Variants in DNAJC11 observed in about 807,000 individuals in gnomAD.
DNAJC11 encodes DnaJ heat shock protein family (Hsp40) member C11, also known as dnaJ homolog subfamily C member 11.
Under a neutral mutation model 78.6 loss-of-function variants are expected in DNAJC11, and 15 were observed. The ratio of observed to expected loss-of-function variants is 0.19; its 90% CI spans 0.13 to 0.29. DNAJC11 has a LOEUF of 0.29. DNAJC11 is among the 10% of genes least tolerant of loss of function. The probability of loss-of-function intolerance (pLI) is 1.00; values close to 1 mark genes in which losing one functional copy is unlikely to be tolerated. For synonymous variants in DNAJC11, 292 were observed against 272.1 expected (o/e 1.07, Z -0.72); for missense variants, 547 against 709.6 (o/e 0.77, Z 2.60).
At chr1:6,643,321 G>GCCGGA (rs1641909828) in intron 10 of DNAJC11, among the ~76,000 whole-genome samples, 1 of 150,832 alleles carries the variant, frequency 6.6e-6, no homozygotes, top group Non-Finnish European at 1.5e-5. Context: ...TGATGCCCAG[G>GCCGGA]CTGGAGTGCA....
rs1265756135 is a variant in DNAJC11 at position 6,639,942 on chromosome 1, G to C, written c.1213C>G (p.Arg405Gly). 5 of 1,613,882 alleles carry C rather than the reference G, an allele frequency of 3.1e-6. No individual in the cohort carries two copies. In the Admixed American group the frequency reaches 8.3e-5, roughly 27 times the overall value. The change falls in exon 11 of 16, where the codon CGT (arginine) becomes GGT (glycine). Residue 405 changes from arginine (R) to glycine (G), a missense_variant. Arg to Gly is a moderately radical substitution (Grantham distance 125, BLOSUM62 -2). Coordinates refer to ENST00000377577, the MANE Select transcript of DNAJC11 (RefSeq NM_018198.4). ...GPLVVYFAMH[R>G]LIIKPYLRAQ... The stretch of plus-strand genomic sequence containing the variant: ...CTGAGGTATGGTTTGATGATCAGAC[G>C]GTGCATGGCAAAGTAGACCACTAGA...
At chr1:6,662,792 A>C (rs6671667) in intron 4 of DNAJC11, among the ~76,000 whole-genome samples, 1 of 151,318 alleles carries the variant, frequency 6.6e-6, no homozygotes, top group Admixed American at 6.6e-5. Context: ...AGCAGGACAT[A>C]GGCAGGGACA....
At chr1:6,682,469 C>T (rs888498761) in intron 1 of DNAJC11, among the ~76,000 whole-genome samples, 1 of 152,144 alleles carries the variant, frequency 6.6e-6, no homozygotes, top group African/African-American at 2.4e-5. Flanking sequence ...CCATCGGTCC[C>T]ACATGCCTGA....
intron 11 of DNAJC11, among the ~76,000 whole-genome samples, chr1:6,639,524 G>A (rs955644974): frequency 2.6e-5 from 4 of 151,676 alleles, no homozygotes; most frequent in African/African-American, 9.7e-5. Flanking sequence ...TAGAGACAGG[G>A]TTTCACCATG....
At position 6,701,750 on chromosome 1, in the gene DNAJC11, C is replaced by A; in HGVS notation, c.51G>T (p.Ser17=). The change falls in exon 1 of 16, where the codon TCG becomes TCT. Residue 17 remains serine (S), a synonymous_variant. Transcript: ENST00000377577. ...TCACCTCCCTGCGCACGTTCAGCAA[C>A]GAGTAATAGTCTTCATTGTCCAGCT... ...EEELDNEDYY[S]LLNVRREASS... is the part of the protein sequence containing the mutation. The A allele has an allele frequency of 6.4e-7, 1 of 1,565,324 alleles. No individual in the cohort carries two copies. The highest frequency in any genetic ancestry group is 8.6e-7 in the Non-Finnish European group (1 of 1,158,220).
At chr1:6,635,996 G>A (rs867508209) in intron 15 of DNAJC11, 121 bp downstream of exon 15, 64 of 1,380,776 alleles carry the variant, frequency 4.6e-5, no homozygotes, top group South Asian at 1.5e-4. Context: ...GCTAGTTGGC[G>A]TCTCTGCTCC....
chr1:6,697,772 T>C lies in DNAJC11; in HGVS notation c.72+3957A>G, dbSNP rs149932894. 1.6e-3 allele frequency among the ~76,000 whole-genome samples: 243 copies of C among 152,246 alleles called. 1 individual carries two copies. Among genetic ancestry groups the C allele is most frequent in the Middle Eastern group, 6.8e-3 (2 of 292 alleles). ...TTCTTCAGCTGATTGTTGACATTTC[T>C]ATATTAATCCAATTATATACCTCTA... On this transcript the variant is annotated intron_variant, in intron 1 of 15. Coordinates refer to ENST00000377577, the MANE Select transcript of DNAJC11 (RefSeq NM_018198.4).
intron 1 of DNAJC11, 37 bp downstream of exon 1, chr1:6,701,692 G>A: frequency 6.6e-7 from 1 of 1,505,300 alleles, no homozygotes; most frequent in Admixed American, 2.2e-5. Context: ...GACCGGGCTC[G>A]GCCTCAGCCC....
rs753611929 is a variant in DNAJC11, at chr1:6,639,911, T to C, written c.1244A>G (p.Gln415Arg). The change falls in exon 11 of 16, where the codon CAG (glutamine) becomes CGG (arginine). Residue 415 changes from glutamine to arginine, a missense_variant. By Grantham distance (43) the Gln-to-Arg change is conservative. Transcript: ENST00000377577. ...RLIIKPYLRA[Q>R]KEKELEKQRE... ...TGACGTGTCAACTCACTTCTCTTTC[T>C]GAGCCCTGAGGTATGGTTTGATGAT... is the stretch of plus-strand genomic sequence containing the variant. The C allele has an allele frequency of 5.0e-6, 8 of 1,612,862 alleles. No individual in the cohort carries two copies. The highest frequency in any genetic ancestry group is 6.8e-6 in the Non-Finnish European group (8 of 1,179,644).
rs1641816540 is a variant in DNAJC11 at position 6,638,215 on chromosome 1, C to CT, written c.1323+79dup. ...TTGTTGGAGAAGAGAAGTCTGACCT[C>CT]TAAGGCCCTGAGACCAACATGTGGG... On this transcript the variant is annotated intron_variant, in intron 12 of 15. Coordinates refer to ENST00000377577, the MANE Select transcript of DNAJC11 (RefSeq NM_018198.4). The CT allele has an allele frequency of 1.0e-5, 15 of 1,439,046 alleles. No homozygotes were observed. In the South Asian group the frequency reaches 2.0e-4, roughly 19 times the overall value. The allele number at this position is 1,439,046 out of a possible 1,614,324, so 89.1% of individuals were successfully genotyped here.
Position 6,638,356 on chromosome 1 carries a change from T to G in DNAJC11, c.1262A>C (p.Glu421Ala), listed in dbSNP as rs759920176. 1.9e-6 allele frequency: 3 copies of G among 1,613,366 alleles called. No individual in the cohort carries two copies. In the South Asian group the frequency reaches 3.3e-5, roughly 18 times the overall value. ...YLRAQKEKEL[E>A]KQRESAATDV... ...GGTGGCGGCGCTTTCCCTCTGCTTC[T>G]CCAATTCCCTTACGCGAGAGGAACA... Residue 421 changes from glutamate to alanine, a missense_variant, in exon 12 of 16, where the codon GAG becomes GCG. Coordinates refer to ENST00000377577, the MANE Select transcript of DNAJC11 (RefSeq NM_018198.4).
chr1:6,698,627 A>G (rs959743534), intron 1 of DNAJC11, among the ~76,000 whole-genome samples: 1 of 24,466 alleles, frequency 4.1e-5, no homozygotes, highest in Non-Finnish European at 7.7e-5. Context: ...TGGGAGAAGT[A>G]AAAAAAAAAA....
chr1:6,649,478 T>C (rs1024712674), intron 7 of DNAJC11, among the ~76,000 whole-genome samples: 1 of 152,170 alleles, frequency 6.6e-6, no homozygotes, highest in Non-Finnish European at 1.5e-5. Flanking sequence ...CAGGAAGCAC[T>C]GCTTTGGTGC....
rs577050788 is a variant in DNAJC11 at position 6,681,376 on chromosome 1, T to C, written c.73-339A>G. On this transcript the variant is annotated intron_variant, in intron 1 of 15. Transcript: ENST00000377577. ...TCTTTAACTTATTTGAAGTAAATCA[T>C]GCCAAGGCACTCTAAACAGAACAGG... is the stretch of plus-strand genomic sequence containing the variant. 1.7e-3 allele frequency among the ~76,000 whole-genome samples: 252 copies of C among 152,302 alleles called. 1 individual carries two copies. Among genetic ancestry groups the C allele is most frequent in the Non-Finnish European group, 2.7e-3 (187 of 68,018 alleles).
In DNAJC11 at chr1:6,653,892, A is replaced by G; in HGVS notation, c.507+19T>C. ...ACTCGAGCCCTTGCTGTACTCGGAG[A>G]GGTGGTTGTGTGCTTTACCTCAATG... On this transcript the variant is annotated intron_variant, in intron 5 of 15. Transcript: ENST00000377577. The surrounding 1 kb of genome is among the most constrained non-coding windows in gnomAD (Gnocchi z 4.5). 6.2e-7 allele frequency: 1 copy of G among 1,610,466 alleles called. No homozygotes were observed. Among genetic ancestry groups the G allele is most frequent in the South Asian group, 1.1e-5 (1 of 90,958 alleles).
At chr1:6,701,291 C>A (rs1307197655) in intron 1 of DNAJC11, among the ~76,000 whole-genome samples, 1 of 152,168 alleles carries the variant, frequency 6.6e-6, no homozygotes, top group Non-Finnish European at 1.5e-5. Context: ...TCCCTAGTGG[C>A]CTTGACCTTG....
chr1:6,671,453 G>C (rs1304393876), intron 3 of DNAJC11, among the ~76,000 whole-genome samples: 2 of 150,072 alleles, frequency 1.3e-5, no homozygotes, highest in Non-Finnish European at 1.5e-5. Context: ...AGCCAGGATG[G>C]TCTTGATCTC....
chr1:6,642,450 A>G (rs976407811), intron 10 of DNAJC11, among the ~76,000 whole-genome samples: 6 of 152,026 alleles, frequency 3.9e-5, no homozygotes, highest in African/African-American at 1.5e-4. Flanking sequence ...TGATTTTGAG[A>G]TATGTATGAT....
chr1:6,686,225 A>G (rs1288042385), intron 1 of DNAJC11, among the ~76,000 whole-genome samples: 2 of 151,580 alleles, frequency 1.3e-5, no homozygotes, highest in Non-Finnish European at 3.0e-5. Flanking sequence ...AAAGGATAAC[A>G]TTAAGAATGT....
Sources: gnomAD v4.1 joint callset for allele counts (sites outside exome capture counted in the v4.1 genomes callset) on GRCh38, gnomAD v4.1.1 for gene constraint, Gnocchi (gnomAD v3.1) non-coding constraint, MANE v1.5 for transcripts, NCBI Gene and HGNC (gene_info 2026-07-23, HGNC 2026-07-21) for gene names.